The following PDE1A variants were observed in gnomAD, a reference collection of about 807,000 sequenced individuals.
PDE1A encodes the protein phosphodiesterase 1A.
Under a neutral mutation model 61.7 loss-of-function variants are expected in PDE1A, and 35 were observed. The observed-to-expected ratio is 0.57, with a 90% CI of 0.43 to 0.75. PDE1A has a LOEUF of 0.75. Among genes scored for constraint, PDE1A ranks in the 30% least tolerant of loss-of-function variants. The probability of loss-of-function intolerance (pLI) is 0.00; values close to 1 mark genes in which losing one functional copy is unlikely to be tolerated. For missense variants in PDE1A, 597 were observed against 630.6 expected, an observed-to-expected ratio of 0.95 and a Z score of 0.57; for synonymous variants, 232 against 213.2, an observed-to-expected ratio of 1.09 and a Z score of -0.77.
intron 2 of PDE1A, among the ~76,000 whole-genome samples, chr2:182,507,988 GAAGA>G (rs1323742283): frequency 1.3e-5 from 2 of 152,008 alleles, no homozygotes; most frequent in East Asian, 3.9e-4. Context: ...GAAATAAACA[GAAGA>G]AAGACTACTC....
At chr2:182,440,674 G>A (rs998949206) in intron 2 of PDE1A, among the ~76,000 whole-genome samples, 7 of 151,738 alleles carry the variant, frequency 4.6e-5, no homozygotes, top group African/African-American at 1.5e-4. Context: ...TATTATAATT[G>A]GATTTTTCCA....
At chr2:182,643,496 C>T in the PDE1A span, among the ~76,000 whole-genome samples, 2 of 152,106 alleles carry the variant, frequency 1.3e-5, no homozygotes, top group Admixed American at 1.3e-4. Context: ...CCTGCCCAAC[C>T]GTTATACATT....
chr2:182,227,827 T>C (rs540509627), intron 6 of PDE1A, among the ~76,000 whole-genome samples: 1 of 152,226 alleles, frequency 6.6e-6, no homozygotes, highest in South Asian at 2.1e-4. Flanking sequence ...AATTTCCACA[T>C]AATTTGTAGA....
chr2:182,453,927 G>A (rs1235350215), intron 2 of PDE1A, among the ~76,000 whole-genome samples: 2 of 151,926 alleles, frequency 1.3e-5, no homozygotes, highest in East Asian at 3.9e-4. Context: ...GGGCAATTAG[G>A]CAGGAGAAGG....
intron 1 of PDE1A, among the ~76,000 whole-genome samples, chr2:182,354,326 C>T (rs149535774): frequency 1.9e-3 from 282 of 152,228 alleles, no homozygotes; most frequent in African/African-American, 6.4e-3. Context: ...ATAGAATCTA[C>T]CCATCCGAAA....
the PDE1A span, among the ~76,000 whole-genome samples, chr2:182,654,929 G>C: frequency 1.1e-3 from 160 of 152,262 alleles, 1 homozygote; most frequent in African/African-American, 3.8e-3. Flanking sequence ...ACAGGTCCCA[G>C]TGGGTCAAGG....
At chr2:182,597,180 T>A in the PDE1A span, among the ~76,000 whole-genome samples, 5 of 151,488 alleles carry the variant, frequency 3.3e-5, 1 homozygote, top group Middle Eastern at 6.8e-3. Flanking sequence ...ATTTTTTTTT[T>A]AAATCTAAAC....
upstream of PDE1A, among the ~76,000 whole-genome samples, chr2:182,524,076 T>C (rs1690715865): frequency 2.0e-5 from 3 of 152,276 alleles, no homozygotes; most frequent in South Asian, 6.2e-4. Context: ...TAAAACTTCA[T>C]TCCTATAAGC....
chr2:182,424,973 T>C (rs1229992767), intron 1 of PDE1A, among the ~76,000 whole-genome samples: 2 of 152,166 alleles, frequency 1.3e-5, no homozygotes, highest in Non-Finnish European at 2.9e-5. Context: ...GCAAAGAATC[T>C]CAGCTTCCAC....
intron 2 of PDE1A, among the ~76,000 whole-genome samples, chr2:182,444,247 T>A (rs1041877096): frequency 2.6e-5 from 4 of 152,182 alleles, no homozygotes; most frequent in African/African-American, 9.6e-5. Flanking sequence ...CCCAGCCATT[T>A]CTGGCTTCAT....
chr2:182,655,951 A>C, the PDE1A span, among the ~76,000 whole-genome samples: 2 of 152,188 alleles, frequency 1.3e-5, no homozygotes, highest in East Asian at 1.9e-4. Flanking sequence ...ATCACTTCAA[A>C]AACTGCCTTG....
the PDE1A span, among the ~76,000 whole-genome samples, chr2:182,662,888 C>T: frequency 5.9e-5 from 9 of 152,176 alleles, no homozygotes; most frequent in South Asian, 2.1e-4. Context: ...TCAAAGTAAA[C>T]GGACAACCTA....
the PDE1A span, among the ~76,000 whole-genome samples, chr2:182,533,899 A>G: frequency 6.6e-6 from 1 of 152,110 alleles, no homozygotes; most frequent in Non-Finnish European, 1.5e-5. Context: ...TTTTCTAGAT[A>G]TCTTTATTTA....
chr2:182,269,325 C>T (rs1692851695), intron 1 of PDE1A, among the ~76,000 whole-genome samples: 1 of 151,712 alleles, frequency 6.6e-6, no homozygotes, highest in South Asian at 2.1e-4. Flanking sequence ...TCCGTCTCTA[C>T]TAAAAATACA....
At chr2:182,264,866 G>T (rs1692491498) in intron 1 of PDE1A, among the ~76,000 whole-genome samples, 2 of 37,602 alleles carry the variant, frequency 5.3e-5, no homozygotes, top group Non-Finnish European at 9.7e-5. Flanking sequence ...AAGAAAATGT[G>T]GTATATATAT....
At chr2:182,357,027 G>A (rs1266813407) in intron 1 of PDE1A, among the ~76,000 whole-genome samples, 1 of 151,978 alleles carries the variant, frequency 6.6e-6, no homozygotes, top group African/African-American at 2.4e-5. Flanking sequence ...ACCGGGACCT[G>A]TTGTGGGGTG....
intron 1 of PDE1A, among the ~76,000 whole-genome samples, chr2:182,264,947 T>G: frequency 6.8e-6 from 1 of 147,208 alleles, no homozygotes; most frequent in Non-Finnish European, 1.5e-5. Flanking sequence ...TAAAATAGTG[T>G]CTTTTGCAGC....
At chr2:182,486,180 A>G (rs1161752021) in intron 2 of PDE1A, among the ~76,000 whole-genome samples, 1 of 152,096 alleles carries the variant, frequency 6.6e-6, no homozygotes, top group Non-Finnish European at 1.5e-5. Flanking sequence ...AAAATTCAAA[A>G]ATGAAAATAA....
At chr2:182,672,556 A>G in the PDE1A span, among the ~76,000 whole-genome samples, 1 of 152,368 alleles carries the variant, frequency 6.6e-6, no homozygotes, top group East Asian at 1.9e-4. Context: ...GAAAAAACAC[A>G]CATAGACTAT....
Sources: gnomAD v4.1 joint callset for allele counts (sites outside exome capture counted in the v4.1 genomes callset) on GRCh38, gnomAD v4.1.1 for gene constraint, MANE v1.5 for transcripts, NCBI Gene and HGNC (gene_info 2026-07-23, HGNC 2026-07-21) for gene names.